Variants in ZNF251 observed in about 807,000 individuals in gnomAD.
The protein encoded by ZNF251 is zinc finger protein 251.
Under a neutral mutation model 13.5 loss-of-function variants are expected in ZNF251, and 14 were observed. The observed-to-expected ratio is 1.04, with a 90% CI of 0.69 to 1.63. The LOEUF (loss-of-function observed/expected upper bound fraction) is 1.63, where lower values mean the gene tolerates loss of function less well. Among genes scored for constraint, ZNF251 ranks in the 40% most tolerant of loss-of-function variants. ZNF251 has a pLI of 0.00. For synonymous variants in ZNF251, 287 were observed against 295.2 expected (o/e 0.97, Z 0.28); for missense variants, 764 against 834.9 (o/e 0.92, Z 1.05).
chr8:144,749,278 G>C (rs561903121), intron 4 of ZNF251, among the ~76,000 whole-genome samples: 8 of 152,258 alleles, frequency 5.3e-5, no homozygotes, highest in Admixed American at 4.6e-4. Flanking sequence ...CTTGAGACCA[G>C]GAGGTCAAGA....
chr8:144,728,038 C>CT (rs1301809335), intron 4 of ZNF251, among the ~76,000 whole-genome samples: 2 of 152,210 alleles, frequency 1.3e-5, no homozygotes, highest in Non-Finnish European at 2.9e-5. Flanking sequence ...TTTGGCCTGT[C>CT]TCAGTTTTCA....
intron 4 of ZNF251, among the ~76,000 whole-genome samples, chr8:144,746,102 C>T (rs2130055881): frequency 6.6e-6 from 1 of 152,238 alleles, no homozygotes; most frequent in Non-Finnish European, 1.5e-5. Flanking sequence ...TCTTCGTTGC[C>T]AGTATAAAGG....
At chr8:144,731,947 C>CTTTTTTTTTTTTTTT in intron 4 of ZNF251, among the ~76,000 whole-genome samples, 1 of 136,696 alleles carries the variant, frequency 7.3e-6, no homozygotes, top group African/African-American at 3.0e-5. Context: ...CTGACAGCTG[C>CTTTTTTTTTTTTTTT]ATTTTTTTTT....
intron 4 of ZNF251, among the ~76,000 whole-genome samples, chr8:144,745,065 C>T (rs370319871): frequency 5.9e-5 from 9 of 151,394 alleles, no homozygotes; most frequent in African/African-American, 1.7e-4. Context: ...TGGAGGGGGA[C>T]GGGGAGCGGG....
intron 4 of ZNF251, among the ~76,000 whole-genome samples, chr8:144,745,563 TAG>T (rs1323578494): frequency 6.6e-6 from 1 of 152,128 alleles, no homozygotes; most frequent in African/African-American, 2.4e-5. Flanking sequence ...TTTCGTTTTT[TAG>T]AGACAGGGTC....
At chr8:144,733,032 G>A (rs918922450) in intron 4 of ZNF251, among the ~76,000 whole-genome samples, 3 of 151,872 alleles carry the variant, frequency 2.0e-5, no homozygotes, top group Non-Finnish European at 4.4e-5. Flanking sequence ...GAGCAGCCTG[G>A]CCAACATGGA....
At position 144,721,778 on chromosome 8, in the gene ZNF251, C is replaced by T. The variant is rs747389673; in HGVS notation, c.1882G>A (p.Gly628Arg). The T allele has an allele frequency of 3.4e-6, 5 of 1,479,096 alleles. No individual in the cohort carries two copies. The highest frequency in any genetic ancestry group is 4.5e-6 in the Non-Finnish European group (5 of 1,114,546). 91.6% of individuals were successfully genotyped at this position (1,479,096 alleles called of 1,614,324 possible). A position where few individuals can be genotyped will look rare whatever the true frequency, so the allele number is the denominator to read the frequency against. The change falls in exon 5 of 5, where the codon GGG (glycine) becomes AGG (arginine). Residue 628 changes from glycine to arginine, a missense_variant. By Grantham distance (125) the Gly-to-Arg change is moderately radical (BLOSUM62 -2). Coordinates refer to ENST00000292562, the MANE Select transcript of ZNF251 (RefSeq NM_138367.2). ...GQKPCHCSVYGKAFSQSSQLT... is the reference protein window; with the variant it reads ...GQKPCHCSVYRKAFSQSSQLT... ...TGTGAACTCTGGCTGAAGGCTTTCCCATACACACTGCAATGACATGGTTTC... is the reference window on the plus strand; with the variant it reads ...TGTGAACTCTGGCTGAAGGCTTTCCTATACACACTGCAATGACATGGTTTC...
chr8:144,722,043 A>G lies in ZNF251; in HGVS notation c.1617T>C (p.Thr539=). ...TAAAGGCTCTGCCGTGCTTCTCTCC[A>G]GTGGGAATCTGTCCATCTGCTGTGA... ...SSLTADGQIP[T]GEKHGRAFNH... Residue 539 remains threonine, a synonymous_variant, in exon 5 of 5, where the codon ACT becomes ACC. Transcript: ENST00000292562. This position sits in a 1 kb window ranked among gnomAD's most constrained non-coding sequence, Gnocchi z 4.8. The G allele has an allele frequency of 6.2e-7, 1 of 1,612,914 alleles. No individual in the cohort carries two copies. The highest frequency in any genetic ancestry group is 2.2e-5 in the East Asian group (1 of 44,868).
intron 4 of ZNF251, among the ~76,000 whole-genome samples, chr8:144,753,002 T>C (rs545366888): frequency 1.3e-5 from 2 of 151,902 alleles, no homozygotes; most frequent in Non-Finnish European, 2.9e-5. Flanking sequence ...ACTGGTCAGG[T>C]GCAGTGGCTC....
intron 4 of ZNF251, among the ~76,000 whole-genome samples, chr8:144,732,568 T>C (rs950069651): frequency 5.3e-5 from 8 of 152,006 alleles, no homozygotes; most frequent in Non-Finnish European, 7.4e-5. Context: ...ATCCCAGCAC[T>C]TGGGGAGGCC....
intron 4 of ZNF251, among the ~76,000 whole-genome samples, chr8:144,735,373 C>T (rs1823848174): frequency 1.6e-5 from 2 of 129,008 alleles, no homozygotes; most frequent in Admixed American, 1.6e-4. Flanking sequence ...CAGAGCAAGA[C>T]TCCGTCTCAA....
chr8:144,735,792 G>C (rs1281663563), intron 4 of ZNF251, among the ~76,000 whole-genome samples: 1 of 152,190 alleles, frequency 6.6e-6, no homozygotes, highest in Admixed American at 6.5e-5. Flanking sequence ...TTGTCTCTTT[G>C]AATGCCACTG....
intron 4 of ZNF251, among the ~76,000 whole-genome samples, chr8:144,727,153 A>G (rs1823543321): frequency 6.6e-6 from 1 of 152,266 alleles, no homozygotes; most frequent in South Asian, 2.1e-4. Flanking sequence ...CTCAGTGATT[A>G]TCCCTGGGGC....
intron 4 of ZNF251, among the ~76,000 whole-genome samples, chr8:144,729,488 C>T (rs1042358197): frequency 6.6e-6 from 1 of 151,680 alleles, no homozygotes; most frequent in Non-Finnish European, 1.5e-5. Flanking sequence ...AGGCGCCCGC[C>T]ACCACGCCCG....
intron 4 of ZNF251, among the ~76,000 whole-genome samples, chr8:144,747,336 T>C (rs1200253156): frequency 6.6e-6 from 1 of 152,000 alleles, no homozygotes; most frequent in Non-Finnish European, 1.5e-5. Context: ...ATGTTTTCTA[T>C]TCTTCAAGTA....
intron 4 of ZNF251, among the ~76,000 whole-genome samples, chr8:144,737,694 T>A (rs1289719423): frequency 2.0e-5 from 3 of 147,910 alleles, no homozygotes; most frequent in East Asian, 2.1e-4. Flanking sequence ...TAGCCAGGCG[T>A]GGTGGCAGGC....
chr8:144,740,216 T>C (rs1824095150), intron 4 of ZNF251, among the ~76,000 whole-genome samples: 1 of 148,056 alleles, frequency 6.8e-6, no homozygotes, highest in South Asian at 2.2e-4. Context: ...ACCCGGGAGG[T>C]GGAGGTTGCT....
chr8:144,732,549 AC>A (rs1464426491), intron 4 of ZNF251, among the ~76,000 whole-genome samples: 6 of 152,196 alleles, frequency 3.9e-5, no homozygotes, highest in Non-Finnish European at 5.9e-5. Flanking sequence ...GCGGTGGCTC[AC>A]GCCTGTAATC....
chr8:144,725,015 T>C (rs1167426891), intron 4 of ZNF251, among the ~76,000 whole-genome samples: 2 of 127,838 alleles, frequency 1.6e-5, no homozygotes, highest in East Asian at 2.1e-4. Flanking sequence ...CTTTCTTTCT[T>C]GTTTTTTTTT....
Sources: allele counts gnomAD v4.1 joint callset (sites outside exome capture counted in the v4.1 genomes callset), GRCh38; gene constraint gnomAD v4.1.1; non-coding constraint Gnocchi (gnomAD v3.1); transcripts MANE v1.5; gene names NCBI Gene and HGNC (gene_info 2026-07-23, HGNC 2026-07-21).